QTMAN: variants seen among roughly 807,000 people sequenced by gnomAD.
QTMAN encodes queuosine-tRNA mannosyltransferase, also known as tRNA-queuosine alpha-mannosyltransferase.
the QTMAN span, among the ~76,000 whole-genome samples, chr2:143,994,131 T>C: frequency 6.6e-6 from 1 of 152,204 alleles, no homozygotes; most frequent in African/African-American, 2.4e-5. Flanking sequence ...AAGAATGCCC[T>C]ATATCAGGTT....
the QTMAN span, among the ~76,000 whole-genome samples, chr2:144,260,678 T>G: frequency 6.6e-6 from 1 of 151,986 alleles, no homozygotes; most frequent in African/African-American, 2.4e-5. Flanking sequence ...TGAGTGCCAT[T>G]AGGCACTTAA....
At chr2:144,052,600 G>T in the QTMAN span, among the ~76,000 whole-genome samples, 1 of 152,114 alleles carries the variant, frequency 6.6e-6, no homozygotes, top group Non-Finnish European at 1.5e-5. Flanking sequence ...CATCCAGCAG[G>T]AATCATTTTT....
the QTMAN span, among the ~76,000 whole-genome samples, chr2:144,052,170 G>C: frequency 6.6e-6 from 1 of 152,142 alleles, no homozygotes; most frequent in African/African-American, 2.4e-5. Context: ...GGACGCTCAG[G>C]AGTCAGAAAT....
At chr2:144,281,121 T>C in the QTMAN span, among the ~76,000 whole-genome samples, 1 of 140,260 alleles carries the variant, frequency 7.1e-6, no homozygotes, top group South Asian at 2.3e-4. Flanking sequence ...TGTGTTCTCA[T>C]TGTTCAATTC....
the QTMAN span, among the ~76,000 whole-genome samples, chr2:144,129,195 G>A: frequency 6.6e-6 from 1 of 152,018 alleles, no homozygotes; most frequent in Non-Finnish European, 1.5e-5. Context: ...CAAGGTGTCA[G>A]TAGTTAGTCA....
the QTMAN span, among the ~76,000 whole-genome samples, chr2:143,989,056 A>C: frequency 6.6e-6 from 1 of 151,704 alleles, no homozygotes; most frequent in Non-Finnish European, 1.5e-5. Flanking sequence ...CTACTGATTC[A>C]CCTCTCCCCA....
the QTMAN span, among the ~76,000 whole-genome samples, chr2:144,110,609 T>C: frequency 6.6e-6 from 1 of 151,988 alleles, no homozygotes; most frequent in Non-Finnish European, 1.5e-5. Context: ...ATTCATGGAC[T>C]TGTTCTCCTA....
chr2:144,083,541 A>G, the QTMAN span, among the ~76,000 whole-genome samples: 3 of 152,230 alleles, frequency 2.0e-5, no homozygotes, highest in Admixed American at 6.5e-5. Flanking sequence ...TTGTTATGCA[A>G]TAGAACAAAG....
chr2:144,094,825 T>G, the QTMAN span, among the ~76,000 whole-genome samples: 1 of 152,260 alleles, frequency 6.6e-6, no homozygotes, highest in Non-Finnish European at 1.5e-5. Flanking sequence ...GAATTATTCA[T>G]AATTTTAAGA....
At chr2:144,003,939 A>G in the QTMAN span, among the ~76,000 whole-genome samples, 2 of 152,050 alleles carry the variant, frequency 1.3e-5, no homozygotes, top group Non-Finnish European at 2.9e-5. Flanking sequence ...GCATGATTTC[A>G]TGGGCATATT....
chr2:144,236,345 C>T, the QTMAN span, among the ~76,000 whole-genome samples: 102 of 152,254 alleles, frequency 6.7e-4, no homozygotes, highest in African/African-American at 2.3e-3. Context: ...GCTTAACTCA[C>T]ACAGTCCTGT....
chr2:144,013,943 A>G, the QTMAN span, among the ~76,000 whole-genome samples: 1 of 152,194 alleles, frequency 6.6e-6, no homozygotes, highest in Admixed American at 6.5e-5. Flanking sequence ...AGATTTATAT[A>G]ACCTGTAAAG....
At chr2:144,257,522 C>T in the QTMAN span, among the ~76,000 whole-genome samples, 1 of 152,152 alleles carries the variant, frequency 6.6e-6, no homozygotes, top group Non-Finnish European at 1.5e-5. Context: ...ACTACATAGG[C>T]TCCTATGACT....
chr2:144,163,159 A>T, the QTMAN span, among the ~76,000 whole-genome samples: 4 of 152,284 alleles, frequency 2.6e-5, no homozygotes, highest in East Asian at 5.8e-4. Flanking sequence ...ACTATTATTA[A>T]AGCAATGTAA....
chr2:144,225,359 A>G, the QTMAN span, among the ~76,000 whole-genome samples: 10 of 152,024 alleles, frequency 6.6e-5, no homozygotes, highest in Non-Finnish European at 8.8e-5. Context: ...TCATCTCCCT[A>G]CCTATAGCTA....
the QTMAN span, among the ~76,000 whole-genome samples, chr2:144,182,797 ATT>A: frequency 3.3e-5 from 1 of 30,242 alleles, no homozygotes; most frequent in African/African-American, 7.2e-5. Context: ...ATATATATAT[ATT>A]ATATATATAA....
chr2:143,999,497 T>G, the QTMAN span, among the ~76,000 whole-genome samples: 6,083 of 151,858 alleles, frequency 0.04, 235 homozygotes, highest in East Asian at 0.17. Flanking sequence ...GAAAAAGGCT[T>G]AGTGACCGGA....
the QTMAN span, among the ~76,000 whole-genome samples, chr2:143,974,901 G>T: frequency 1.3e-5 from 2 of 152,058 alleles, no homozygotes; most frequent in Non-Finnish European, 2.9e-5. Context: ...ACATTTGACA[G>T]CTGCCAATCA....
At chr2:144,278,536 T>C in the QTMAN span, among the ~76,000 whole-genome samples, 1 of 150,548 alleles carries the variant, frequency 6.6e-6, no homozygotes, top group East Asian at 1.9e-4. Flanking sequence ...GTGAGTGTTT[T>C]CCTTCTTTTT....
Sources: allele counts gnomAD v4.1 joint callset (sites outside exome capture counted in the v4.1 genomes callset), GRCh38; gene constraint gnomAD v4.1.1; transcripts MANE v1.5; gene names NCBI Gene and HGNC (gene_info 2026-07-23, HGNC 2026-07-21).